Variants in PCED1B observed in about 807,000 individuals in gnomAD.
PCED1B encodes PC-esterase domain-containing protein 1B.
For missense variants in PCED1B, 573 were observed against 573.9 expected (o/e 1.00, Z 0.02); for synonymous variants, 251 against 246.1 (o/e 1.02, Z -0.19).
At position 47,217,523 on chromosome 12, in the gene PCED1B, G is replaced by GAA. The variant is rs879668082; in HGVS notation, c.-58+835_-58+836insAA. 3.7e-3 allele frequency among the ~76,000 whole-genome samples: 426 copies of GAA among 115,662 alleles called. 22 individuals carry two copies. The highest frequency in any genetic ancestry group is 8.5e-3 in the Middle Eastern group (2 of 234). The allele number at this position is 115,662 out of a possible 152,430, so 75.9% of individuals were successfully genotyped here. A position where few individuals can be genotyped will look rare whatever the true frequency, so the allele number is the denominator to read the frequency against. ...AAGAAAGAAAGAAAGAAAGAAGAAA[G>GAA]AGAAAGAGAGAAAAGAAAAGGAAAG... On this transcript the variant is annotated intron_variant, in intron 3 of 3. Transcript: ENST00000546455.
chr12:47,195,203 C>T (rs889845011), intron 2 of PCED1B, among the ~76,000 whole-genome samples: 1 of 152,002 alleles, frequency 6.6e-6, no homozygotes, highest in Non-Finnish European at 1.5e-5. Context: ...GTGGTACACA[C>T]CTGTAGTCCC....
intron 2 of PCED1B, among the ~76,000 whole-genome samples, chr12:47,142,127 G>A (rs74083868): frequency 0.025 from 3,775 of 152,228 alleles, 150 homozygotes; most frequent in African/African-American, 0.084. Flanking sequence ...CCCAGAACCA[G>A]GCCTACTGAC....
At chr12:47,096,576 A>G (rs368988753) in intron 1 of PCED1B, among the ~76,000 whole-genome samples, 1 of 152,170 alleles carries the variant, frequency 6.6e-6, no homozygotes, top group Non-Finnish European at 1.5e-5. Flanking sequence ...TTGTCACTCT[A>G]CAGCACCTAA....
intron 2 of PCED1B, among the ~76,000 whole-genome samples, chr12:47,201,144 A>AT: frequency 6.6e-6 from 1 of 152,074 alleles, no homozygotes; most frequent in African/African-American, 2.4e-5. Flanking sequence ...AGAAAAGGGG[A>AT]GGGGGGGAGT....
At chr12:47,167,611 A>T (rs1263335317) in intron 2 of PCED1B, among the ~76,000 whole-genome samples, 2 of 152,250 alleles carry the variant, frequency 1.3e-5, no homozygotes, top group Non-Finnish European at 2.9e-5. Context: ...AAGCAACCCT[A>T]CAATGAAGTG....
intron 2 of PCED1B, among the ~76,000 whole-genome samples, chr12:47,180,722 G>A (rs542507952): frequency 3.3e-5 from 5 of 152,010 alleles, no homozygotes; most frequent in African/African-American, 7.2e-5. Flanking sequence ...AATATCCAGA[G>A]TCTACAAGGA....
intron 2 of PCED1B, among the ~76,000 whole-genome samples, chr12:47,116,003 A>C (rs917339773): frequency 6.6e-6 from 1 of 152,228 alleles, no homozygotes; most frequent in African/African-American, 2.4e-5. Context: ...AATAATGAAA[A>C]CTTGAAATAA....
chr12:47,182,280 T>C (rs1235095049), intron 2 of PCED1B, among the ~76,000 whole-genome samples: 1 of 151,974 alleles, frequency 6.6e-6, no homozygotes, highest in East Asian at 1.9e-4. Context: ...AGACCTACAG[T>C]ATTGAGAGAG....
At chr12:47,088,977 CACAGTGA>C (rs1213901910) in intron 1 of PCED1B, among the ~76,000 whole-genome samples, 1 of 152,080 alleles carries the variant, frequency 6.6e-6, no homozygotes, top group Non-Finnish European at 1.5e-5. Context: ...TATGCATTGC[CACAGTGA>C]ACATTAATAT....
intron 2 of PCED1B, among the ~76,000 whole-genome samples, chr12:47,112,055 C>A (rs372390957): frequency 6.6e-6 from 1 of 152,168 alleles, no homozygotes; most frequent in Non-Finnish European, 1.5e-5. Context: ...CCCCAGCCCA[C>A]GCGAGCTCTG....
intron 3 of PCED1B, among the ~76,000 whole-genome samples, chr12:47,217,550 A>G (rs927827288): frequency 6.6e-6 from 1 of 151,932 alleles, no homozygotes; most frequent in African/African-American, 2.4e-5. Context: ...AAAGGAAAGA[A>G]AGAAAGAAAA....
At chr12:47,217,723 C>T (rs376791838) in intron 3 of PCED1B, among the ~76,000 whole-genome samples, 5 of 151,840 alleles carry the variant, frequency 3.3e-5, no homozygotes, top group African/African-American at 9.7e-5. Flanking sequence ...ATTACAGGCA[C>T]GCGACACCAC....
chr12:47,210,842 G>C (rs185146097), intron 2 of PCED1B: 21 of 152,006 alleles, frequency 1.4e-4, no homozygotes, highest in Admixed American at 1.3e-3. Flanking sequence ...CACCCTAAAA[G>C]AAAAAGGAAG....
At chr12:47,105,111 T>C (rs1938887529) in intron 2 of PCED1B, among the ~76,000 whole-genome samples, 1 of 152,234 alleles carries the variant, frequency 6.6e-6, no homozygotes, top group Non-Finnish European at 1.5e-5. Context: ...CGCTTCAGGC[T>C]GTGGACCTTA....
At chr12:47,132,609 T>C (rs1198722569) in intron 2 of PCED1B, among the ~76,000 whole-genome samples, 1 of 152,174 alleles carries the variant, frequency 6.6e-6, no homozygotes, top group African/African-American at 2.4e-5. Context: ...CATTGTACTA[T>C]GTGTAAGTCA....
intron 2 of PCED1B, among the ~76,000 whole-genome samples, chr12:47,153,396 A>T (rs561817581): frequency 6.6e-6 from 1 of 151,776 alleles, no homozygotes; most frequent in African/African-American, 2.4e-5. Context: ...GAAATTTAGA[A>T]ATTCAAGTTG....
intron 2 of PCED1B, among the ~76,000 whole-genome samples, chr12:47,195,328 CAA>C (rs11454301): frequency 2.2e-5 from 3 of 136,152 alleles, no homozygotes. Context: ...GTCTCTGTCT[CAA>C]AAAAAAAAAA....
At chr12:47,194,767 G>C (rs1477362672) in intron 2 of PCED1B, among the ~76,000 whole-genome samples, 2 of 152,216 alleles carry the variant, frequency 1.3e-5, no homozygotes, top group Non-Finnish European at 2.9e-5. Flanking sequence ...GATGGCAGAA[G>C]CAGCAATATG....
chr12:47,149,985 T>TGAAATATGA (rs1940931123), intron 2 of PCED1B, among the ~76,000 whole-genome samples: 1 of 152,226 alleles, frequency 6.6e-6, no homozygotes. Flanking sequence ...TATTTCTTAA[T>TGAAATATGA]GAAATATGAA....
Sources: gnomAD v4.1 joint callset for allele counts (sites outside exome capture counted in the v4.1 genomes callset) on GRCh38, gnomAD v4.1.1 for gene constraint, MANE v1.5 for transcripts, NCBI Gene and HGNC (gene_info 2026-07-23, HGNC 2026-07-21) for gene names.